Variants in MUL1 observed in about 807,000 individuals in gnomAD.
MUL1 encodes mitochondrial ubiquitin ligase activator of NFKB 1.
Under a neutral mutation model 34.1 loss-of-function variants are expected in MUL1, and 30 were observed. The ratio of observed to expected loss-of-function variants is 0.88; its 90% CI spans 0.66 to 1.19. The LOEUF (loss-of-function observed/expected upper bound fraction) is 1.19. Among genes scored for constraint, MUL1 ranks in the 50% most tolerant of loss-of-function variants. MUL1 has a pLI of 0.00. For synonymous variants in MUL1, 191 were observed against 187.8 expected, an observed-to-expected ratio of 1.02 and a Z score of -0.14; for missense variants, 419 against 450.5, an observed-to-expected ratio of 0.93 and a Z score of 0.63.
chr1:20,502,188 T>A lies in MUL1; in HGVS notation c.210A>T (p.Gly70=). The A allele has an allele frequency of 1.2e-6, 2 of 1,613,992 alleles. No homozygotes were observed. Among genetic ancestry groups the A allele is most frequent in the Non-Finnish European group, 1.7e-6 (2 of 1,179,976 alleles). Reference sequence around the variant, plus strand: ...GCGTTTCTTTAACAGACCGCACAGCTCCTAAGTGGACACAAATTCTATTAT... The same window carrying A: ...GCGTTTCTTTAACAGACCGCACAGCACCTAAGTGGACACAAATTCTATTAT... ...GKCVPYAVIE[G]AVRSVKETLN... is the part of the protein sequence containing the mutation. Residue 70 remains glycine (G), a splice_region_variant and synonymous_variant, in exon 3 of 4, where the codon GGA becomes GGT. Transcript: ENST00000264198.
chr1:20,500,613 T>C lies in MUL1; in HGVS notation c.*77A>G. ...TGACAGCTACCCCCACCACTGCTCC[T>C]CCAAAGGCCTCGAGATAAAAATCCC... On this transcript the variant is annotated 3_prime_UTR_variant, in exon 4 of 4. Transcript: ENST00000264198. The C allele has an allele frequency of 1.3e-6, 2 of 1,506,958 alleles. No homozygotes were observed. The highest frequency in any genetic ancestry group is 8.9e-7 in the Non-Finnish European group (1 of 1,129,344). 93.3% of individuals were successfully genotyped at this position (1,506,958 alleles called of 1,614,324 possible).
Position 20,501,574 on chromosome 1 carries a change from C to A in MUL1, c.330-155G>T, listed in dbSNP as rs574179398. On this transcript the variant is annotated intron_variant, in intron 3 of 3. Transcript: ENST00000264198. This position sits in a 1 kb window ranked among gnomAD's most constrained non-coding sequence, Gnocchi z 4.2. ...CTCCAGTTGCCTCCTAACAAGGAGGCTCCATTTGTAGGTCCTGGGGCGATA... is the reference window on the plus strand; with the variant it reads ...CTCCAGTTGCCTCCTAACAAGGAGGATCCATTTGTAGGTCCTGGGGCGATA... Among the ~76,000 whole-genome samples the A allele has an allele frequency of 6.6e-6, 1 of 152,286 alleles. No individual in the cohort carries two copies. Among genetic ancestry groups the A allele is most frequent in the South Asian group, 2.1e-4 (1 of 4,816 alleles).
Position 20,501,997 on chromosome 1 carries a change from A to G in MUL1, c.329+72T>C, listed in dbSNP as rs2051666147. On this transcript the variant is annotated intron_variant, in intron 3 of 3. Transcript: ENST00000264198. This position sits in a 1 kb window ranked among gnomAD's most constrained non-coding sequence, Gnocchi z 4.2. ...CTCAGGAGAAGCTGAAGTCACGGCA[A>G]CAGCACCCAGGACCCCAGCATTTGA... The G allele has an allele frequency of 6.3e-7, 1 of 1,595,550 alleles. No homozygotes were observed. The highest frequency in any genetic ancestry group is 1.7e-5 in the Admixed American group (1 of 59,460).
intron 2 of MUL1, 114 bp from the exon 3 acceptor site, chr1:20,502,303 C>G: frequency 1.4e-6 from 2 of 1,401,688 alleles, no homozygotes; most frequent in Non-Finnish European, 2.0e-6. Flanking sequence ...AATCCCAACA[C>G]TTTGGGAAGC....
chr1:20,504,411 G>A (rs565357356), intron 1 of MUL1, among the ~76,000 whole-genome samples: 30 of 152,272 alleles, frequency 2.0e-4, no homozygotes, highest in Admixed American at 1.8e-3. Context: ...GATTCAGGAC[G>A]AATAAAGGAC....
At chr1:20,504,192 A>C (rs1225499829) in intron 1 of MUL1, among the ~76,000 whole-genome samples, 4 of 152,062 alleles carry the variant, frequency 2.6e-5, no homozygotes, top group Non-Finnish European at 4.4e-5. Context: ...TGCCTTTTTC[A>C]TGCTCATAAT....
Position 20,501,049 on chromosome 1 carries a change from C to G in MUL1, c.700G>C (p.Glu234Gln). The G allele has an allele frequency of 6.2e-7, 1 of 1,614,152 alleles. No individual in the cohort carries two copies. The highest frequency in any genetic ancestry group is 8.5e-7 in the Non-Finnish European group (1 of 1,180,048). ...QDFDSLLQRQ[E>Q]SSVRLWKVLA... ...ACCTTCCAGAGCCTGACGCTCGACT[C>G]CTGCCTCTGCAGCAGGCTGTCGAAG... Residue 234 changes from glutamate (E) to glutamine (Q), a missense_variant, in exon 4 of 4, where the codon GAG becomes CAG. Physicochemically the swap from Glu to Gln is conservative, Grantham distance 29 (BLOSUM62 2). Coordinates refer to ENST00000264198, the MANE Select transcript of MUL1 (RefSeq NM_024544.3). This position sits in a 1 kb window ranked among gnomAD's most constrained non-coding sequence, Gnocchi z 4.2.
Position 20,501,162 on chromosome 1 carries a change from G to C in MUL1, c.587C>G (p.Thr196Arg). ...EEMLKVGATLTGVGELVLDNN... is the reference protein window; with the variant it reads ...EEMLKVGATLRGVGELVLDNN... ...GTCCAGGACCAGTTCGCCAACCCCT[G>C]TGAGGGTGGCCCCCACCTTCAGCAT... Residue 196 changes from threonine (T) to arginine (R), a missense_variant, in exon 4 of 4, where the codon ACA becomes AGA. By Grantham distance (71) the Thr-to-Arg change is moderately conservative. Coordinates refer to ENST00000264198, the MANE Select transcript of MUL1 (RefSeq NM_024544.3). The surrounding 1 kb of genome is among the most constrained non-coding windows in gnomAD (Gnocchi z 4.2). 1 of 1,614,120 alleles carries C rather than the reference G, an allele frequency of 6.2e-7. No homozygotes were observed. The highest frequency in any genetic ancestry group is 8.5e-7 in the Non-Finnish European group (1 of 1,179,982).
At chr1:20,503,180 G>A in intron 2 of MUL1, 42 bp downstream of exon 2, 1 of 1,371,922 alleles carries the variant, frequency 7.3e-7, no homozygotes, top group Non-Finnish European at 1.0e-6. Context: ...CAATCTTTTG[G>A]GAAAAAGACG....
intron 1 of MUL1, among the ~76,000 whole-genome samples, chr1:20,505,582 C>CAAAAAAAAAAAAAA (rs11338654): frequency 1.7e-5 from 1 of 57,158 alleles, no homozygotes; most frequent in African/African-American, 7.7e-5. Context: ...GACCATGTCT[C>CAAAAAAAAAAAAAA]AAAAAAAAAA....
intron 1 of MUL1, among the ~76,000 whole-genome samples, chr1:20,504,513 G>A (rs1332481291): frequency 6.6e-6 from 1 of 152,222 alleles, no homozygotes. Context: ...AGATGTATAT[G>A]AAGGTCACTC....
chr1:20,506,991 G>A (rs1214567348), intron 1 of MUL1, among the ~76,000 whole-genome samples: 1 of 152,230 alleles, frequency 6.6e-6, no homozygotes, highest in Non-Finnish European at 1.5e-5. Flanking sequence ...GCTTCGGAGA[G>A]CCGAGGCGGG....
Position 20,501,116 on chromosome 1 carries a change from C to T in MUL1, c.633G>A (p.Gln211=), listed in dbSNP as rs1198718813. 6.2e-7 allele frequency: 1 copy of T among 1,614,122 alleles called. No homozygotes were observed. Among genetic ancestry groups the T allele is most frequent in the South Asian group, 1.1e-5 (1 of 91,082 alleles). The change falls in exon 4 of 4, where the codon CAG becomes CAA. Residue 211 remains glutamine, a synonymous_variant. Coordinates refer to ENST00000264198, the MANE Select transcript of MUL1 (RefSeq NM_024544.3). The surrounding 1 kb of genome is among the most constrained non-coding windows in gnomAD (Gnocchi z 4.2). ...LVLDNNSVRL[Q]PPKQGMQYYL... is the part of the protein sequence containing the mutation. ...AGTACTGCATGCCTTGTTTGGGCGG[C>T]TGCAGGCGGACAGAGTTGTTGTCCA...
At chr1:20,505,047 T>C (rs1348511271) in intron 1 of MUL1, among the ~76,000 whole-genome samples, 6 of 152,182 alleles carry the variant, frequency 3.9e-5, no homozygotes, top group Non-Finnish European at 4.4e-5. Context: ...CTAGCGCCAA[T>C]GCATCCACTG....
chr1:20,505,839 C>T (rs1311538831), intron 1 of MUL1, among the ~76,000 whole-genome samples: 1 of 152,154 alleles, frequency 6.6e-6, no homozygotes, highest in Non-Finnish European at 1.5e-5. Flanking sequence ...GAGTTCACTG[C>T]TTCAAAGAAG....
chr1:20,507,255 TA>T (rs1423218465), intron 1 of MUL1, among the ~76,000 whole-genome samples: 2 of 152,194 alleles, frequency 1.3e-5, no homozygotes, highest in African/African-American at 2.4e-5. Flanking sequence ...ATGTGTTGTG[TA>T]AACCGTAAAG....
At position 20,507,194 on chromosome 1, in the gene MUL1, C is replaced by G. The variant is rs2051723799; in HGVS notation, c.120+711G>C. Among the ~76,000 whole-genome samples, 2 of 152,070 alleles carry G rather than the reference C, an allele frequency of 1.3e-5. 1 individual carries two copies. Among genetic ancestry groups the G allele is most frequent in the South Asian group, 4.1e-4 (2 of 4,828 alleles). On this transcript the variant is annotated intron_variant, in intron 1 of 3. Coordinates refer to ENST00000264198, the MANE Select transcript of MUL1 (RefSeq NM_024544.3). Reference sequence around the variant, plus strand: ...TCCCGCCACTGCACTCCAGCCTGGGCGACACAGCAAGACTCCATCTCGAAA... The same window carrying G: ...TCCCGCCACTGCACTCCAGCCTGGGGGACACAGCAAGACTCCATCTCGAAA...
At chr1:20,506,905 AATT>A (rs1276211225) in intron 1 of MUL1, among the ~76,000 whole-genome samples, 1 of 151,152 alleles carries the variant, frequency 6.6e-6, no homozygotes, top group East Asian at 2.0e-4. Context: ...AAGGAAAAAA[AATT>A]ATTGTTAAGA....
intron 1 of MUL1, among the ~76,000 whole-genome samples, chr1:20,506,770 A>G (rs1278088851): frequency 2.0e-5 from 3 of 152,108 alleles, no homozygotes; most frequent in Admixed American, 6.5e-5. Flanking sequence ...AAATCACTTG[A>G]ACGCGGGAGG....
Sources: allele counts gnomAD v4.1 joint callset (sites outside exome capture counted in the v4.1 genomes callset), GRCh38; gene constraint gnomAD v4.1.1; non-coding constraint Gnocchi (gnomAD v3.1); transcripts MANE v1.5; gene names NCBI Gene and HGNC (gene_info 2026-07-23, HGNC 2026-07-21).